DCC: variants seen among roughly 807,000 people sequenced by gnomAD.
The protein encoded by DCC is netrin receptor DCC.
A neutral mutation model predicts 172.5 loss-of-function variants in DCC; 58 were observed. The ratio of observed to expected loss-of-function variants is 0.34; its 90% CI spans 0.27 to 0.42. DCC has a LOEUF of 0.42. DCC is among the 10% of genes least tolerant of loss of function. The pLI, the probability that DCC is intolerant of heterozygous loss-of-function variation, is 1.00. For missense variants in DCC, 1,740 were observed against 1,791.0 expected, an observed-to-expected ratio of 0.97 and a Z score of 0.51; for synonymous variants, 709 against 644.5, an observed-to-expected ratio of 1.10 and a Z score of -1.52.
At chr18:52,409,738 T>A (rs1436919363) in intron 1 of DCC, among the ~76,000 whole-genome samples, 1 of 152,170 alleles carries the variant, frequency 6.6e-6, no homozygotes, top group Admixed American at 6.5e-5. Context: ...AGTACCATAA[T>A]GTATTCAAAA....
chr18:52,858,202 C>G (rs189704636), intron 2 of DCC, among the ~76,000 whole-genome samples: 1 of 152,172 alleles, frequency 6.6e-6, no homozygotes, highest in African/African-American at 2.4e-5. Context: ...AAGGCTAGCA[C>G]GCCCATTTTA....
In DCC at chr18:52,761,722, C is replaced by CA. The variant is rs538772289; in HGVS notation, c.412+9349dup. Among the ~76,000 whole-genome samples, 391 of 152,014 alleles carry CA rather than the reference C, an allele frequency of 2.6e-3. 1 individual carries two copies. Among genetic ancestry groups the CA allele is most frequent in the Middle Eastern group, 0.014 (4 of 294 alleles). On this transcript the variant is annotated intron_variant, in intron 2 of 28. Coordinates refer to ENST00000442544, the MANE Select transcript of DCC (RefSeq NM_005215.4). ...TCTTTGGAAGTTTCCTGTTAAAAGACAGAGCCTTAGCCTCAAAGGTCAAAG... is the reference window on the plus strand; with the variant it reads ...TCTTTGGAAGTTTCCTGTTAAAAGACAAGAGCCTTAGCCTCAAAGGTCAAAG...
At chr18:52,988,045 G>T (rs1432451237) in intron 5 of DCC, among the ~76,000 whole-genome samples, 1 of 152,140 alleles carries the variant, frequency 6.6e-6, no homozygotes, top group African/African-American at 2.4e-5. Context: ...TTACTGGTTG[G>T]TTAATGAATA....
chr18:53,051,726 T>G, intron 5 of DCC, among the ~76,000 whole-genome samples: 1 of 152,146 alleles, frequency 6.6e-6, no homozygotes, highest in East Asian at 1.9e-4. Context: ...GTTTTGATTT[T>G]GGTTTTTCTT....
At chr18:53,247,863 C>A (rs1402395519) in intron 12 of DCC, among the ~76,000 whole-genome samples, 8 of 151,954 alleles carry the variant, frequency 5.3e-5, no homozygotes, top group Admixed American at 3.9e-4. Context: ...CCACAGAATT[C>A]TTTTCCTGTC....
chr18:53,459,009 G>A (rs555669947), intron 23 of DCC, among the ~76,000 whole-genome samples: 19 of 152,280 alleles, frequency 1.2e-4, no homozygotes, highest in African/African-American at 2.6e-4. Flanking sequence ...CCAGGAAGCC[G>A]AGGCCCTGGG....
chr18:53,180,742 C>T (rs1200322246), intron 9 of DCC, among the ~76,000 whole-genome samples: 1 of 152,138 alleles, frequency 6.6e-6, no homozygotes, highest in Non-Finnish European at 1.5e-5. Flanking sequence ...CGGCTCATTG[C>T]AACCTCCGCC....
chr18:52,731,351 G>C (rs1363135168), intron 1 of DCC, among the ~76,000 whole-genome samples: 12 of 152,192 alleles, frequency 7.9e-5, no homozygotes, highest in African/African-American at 2.7e-4. Flanking sequence ...GAATGAGGGA[G>C]TAGGCTTCAA....
At chr18:53,279,938 G>A (rs1009963061) in intron 12 of DCC, among the ~76,000 whole-genome samples, 3 of 151,974 alleles carry the variant, frequency 2.0e-5, no homozygotes, top group Non-Finnish European at 4.4e-5. Context: ...GTCTACTTAA[G>A]GGTGGAAGGT....
At chr18:52,483,873 T>C (rs916120407) in intron 1 of DCC, among the ~76,000 whole-genome samples, 1 of 152,114 alleles carries the variant, frequency 6.6e-6, no homozygotes, top group Non-Finnish European at 1.5e-5. Context: ...TCTGCTTTTA[T>C]TATCTTTTCT....
At chr18:53,463,539 A>G (rs879526443) in intron 24 of DCC, among the ~76,000 whole-genome samples, 4 of 152,196 alleles carry the variant, frequency 2.6e-5, no homozygotes, top group Non-Finnish European at 5.9e-5. Flanking sequence ...GGCAATAACT[A>G]TGTAAGGAGA....
At chr18:52,411,981 C>T (rs1294101401) in intron 1 of DCC, among the ~76,000 whole-genome samples, 1 of 152,058 alleles carries the variant, frequency 6.6e-6, no homozygotes, top group African/African-American at 2.4e-5. Context: ...CTTGCCACCC[C>T]CACTTATTAA....
intron 27 of DCC, among the ~76,000 whole-genome samples, chr18:53,526,012 C>T (rs944061851): frequency 6.6e-6 from 1 of 152,118 alleles, no homozygotes; most frequent in Non-Finnish European, 1.5e-5. Flanking sequence ...TGATACTCAG[C>T]AGTGCCTCTT....
At chr18:52,755,179 C>A (rs2037059496) in intron 2 of DCC, among the ~76,000 whole-genome samples, 2 of 152,162 alleles carry the variant, frequency 1.3e-5, no homozygotes, top group Non-Finnish European at 2.9e-5. Flanking sequence ...TAGATCCCAC[C>A]CATCAGTTGT....
chr18:52,973,400 T>C (rs942250201), intron 5 of DCC, among the ~76,000 whole-genome samples: 1 of 152,166 alleles, frequency 6.6e-6, no homozygotes, highest in Non-Finnish European at 1.5e-5. Flanking sequence ...TTTTATAGAT[T>C]TTTCAAATTG....
intron 2 of DCC, among the ~76,000 whole-genome samples, chr18:52,767,075 C>T (rs1001015545): frequency 2.6e-5 from 4 of 151,434 alleles, no homozygotes; most frequent in Non-Finnish European, 5.9e-5. Context: ...GCCTGTTTCC[C>T]ATGCAAAGTT....
intron 1 of DCC, among the ~76,000 whole-genome samples, chr18:52,504,566 G>T (rs2031160755): frequency 6.6e-6 from 1 of 152,284 alleles, no homozygotes; most frequent in Admixed American, 6.5e-5. Context: ...TATTGGCTTG[G>T]TTGGGATCCC....
At chr18:52,867,474 C>G (rs1270589200) in intron 2 of DCC, among the ~76,000 whole-genome samples, 3 of 149,878 alleles carry the variant, frequency 2.0e-5, no homozygotes, top group African/African-American at 7.3e-5. Context: ...CTCTTTTTAC[C>G]TCTGGTAGAA....
intron 17 of DCC, among the ~76,000 whole-genome samples, chr18:53,395,988 C>G (rs565574166): frequency 6.6e-6 from 1 of 152,186 alleles, no homozygotes; most frequent in African/African-American, 2.4e-5. Context: ...GAGGTCATCA[C>G]TTTAATAGGC....
Sources: allele counts gnomAD v4.1 joint callset (sites outside exome capture counted in the v4.1 genomes callset), GRCh38; gene constraint gnomAD v4.1.1; transcripts MANE v1.5; gene names NCBI Gene and HGNC (gene_info 2026-07-23, HGNC 2026-07-21).